Variants in SPAG16 observed in about 807,000 individuals in gnomAD.
SPAG16 encodes the protein sperm-associated antigen 16 protein.
SPAG16 carries 86 observed loss-of-function variants against 80.4 expected under a neutral mutation model. That is an observed-to-expected ratio of 1.07 (90% CI 0.90 to 1.28). SPAG16 has a LOEUF of 1.28. Among genes scored for constraint, SPAG16 ranks in the 50% most tolerant of loss-of-function variants. SPAG16 has a pLI of 0.00. For missense variants in SPAG16, 870 were observed against 765.3 expected (o/e 1.14, Z -1.61); for synonymous variants, 294 against 265.9 (o/e 1.11, Z -1.03).
At chr2:213,382,066 TTC>T (rs1482922188) in intron 9 of SPAG16, among the ~76,000 whole-genome samples, 1 of 152,080 alleles carries the variant, frequency 6.6e-6, no homozygotes, top group Non-Finnish European at 1.5e-5. Context: ...TTTTAATCCA[TTC>T]TCTGATAGCT....
chr2:214,221,164 G>A (rs963795210), intron 15 of SPAG16, among the ~76,000 whole-genome samples: 2 of 152,180 alleles, frequency 1.3e-5, no homozygotes, highest in Non-Finnish European at 1.5e-5. Flanking sequence ...ATATGCATAT[G>A]AAATTCTATT....
chr2:213,486,733 C>A (rs1045442912), intron 9 of SPAG16, among the ~76,000 whole-genome samples: 1 of 152,010 alleles, frequency 6.6e-6, no homozygotes, highest in Non-Finnish European at 1.5e-5. Flanking sequence ...AAAATCAAGT[C>A]TGCTTCAATC....
chr2:214,165,748 G>A (rs1434453152), intron 15 of SPAG16, among the ~76,000 whole-genome samples: 1 of 151,394 alleles, frequency 6.6e-6, no homozygotes, highest in Non-Finnish European at 1.5e-5. Flanking sequence ...TGAGAGTAGT[G>A]CTTATAACCC....
In SPAG16 at chr2:213,682,833, C is replaced by T. The variant is rs114177813; in HGVS notation, c.1071-179652C>T. Reference sequence around the variant, plus strand: ...GGCTAATGGTTTGGGGCTGGATTTACGCGGTTTTTAATCAAGGGGAACTTA... The same window carrying T: ...GGCTAATGGTTTGGGGCTGGATTTATGCGGTTTTTAATCAAGGGGAACTTA... On this transcript the variant is annotated intron_variant, in intron 10 of 15. Coordinates refer to ENST00000331683, the MANE Select transcript of SPAG16 (RefSeq NM_024532.5). Among the ~76,000 whole-genome samples the T allele has an allele frequency of 4.4e-3, 665 of 152,244 alleles. 2 individuals are homozygous for T. Among genetic ancestry groups the T allele is most frequent in the African/African-American group, 0.014 (584 of 41,524 alleles).
At chr2:214,085,238 G>A (rs933311338) in intron 13 of SPAG16, among the ~76,000 whole-genome samples, 1 of 152,020 alleles carries the variant, frequency 6.6e-6, no homozygotes, top group Admixed American at 6.6e-5. Context: ...CAGGCATGGT[G>A]GTGCCTTCCT....
intron 13 of SPAG16, among the ~76,000 whole-genome samples, chr2:214,043,948 G>C (rs571050719): frequency 3.9e-5 from 6 of 152,026 alleles, no homozygotes; most frequent in African/African-American, 1.2e-4. Flanking sequence ...GTAAATCAAA[G>C]TTCTATATCT....
chr2:214,040,660 A>G (rs749954264), intron 13 of SPAG16, among the ~76,000 whole-genome samples: 1 of 152,158 alleles, frequency 6.6e-6, no homozygotes, highest in African/African-American at 2.4e-5. Context: ...TCCATGGGGT[A>G]TATGGAGTAC....
rs963279415 is a variant in SPAG16 at position 214,373,651 on chromosome 2, T to A, written c.1721-36489T>A. Among the ~76,000 whole-genome samples, 12 of 152,096 alleles carry A rather than the reference T, an allele frequency of 7.9e-5. 1 individual carries two copies. The highest frequency in any genetic ancestry group is 1.8e-4 in the Non-Finnish European group (12 of 68,000). On this transcript the variant is annotated intron_variant, in intron 15 of 15. Coordinates refer to ENST00000331683, the MANE Select transcript of SPAG16 (RefSeq NM_024532.5). ...CTTCCTAATTTAAAAGCTCTTTCAA[T>A]GAGGGAGATGATTTTGCTGATGGGA...
chr2:214,026,294 T>C (rs1212908596), intron 13 of SPAG16, among the ~76,000 whole-genome samples: 1 of 151,470 alleles, frequency 6.6e-6, no homozygotes, highest in Non-Finnish European at 1.5e-5. Context: ...TTTTTATTAG[T>C]TTAGAACTAA....
intron 10 of SPAG16, among the ~76,000 whole-genome samples, chr2:213,573,099 C>T (rs113073692): frequency 0.025 from 3,804 of 152,242 alleles, 160 homozygotes; most frequent in African/African-American, 0.085. Context: ...CTTTGGCTCA[C>T]GCACGGTGCG....
intron 15 of SPAG16, among the ~76,000 whole-genome samples, chr2:214,352,163 C>T (rs184200492): frequency 6.6e-6 from 1 of 152,294 alleles, no homozygotes; most frequent in Admixed American, 6.5e-5. Flanking sequence ...GGTCCCACCT[C>T]TTAATACCAT....
At chr2:213,511,431 T>C (rs2075222406) in intron 10 of SPAG16, among the ~76,000 whole-genome samples, 1 of 152,168 alleles carries the variant, frequency 6.6e-6, no homozygotes, top group South Asian at 2.1e-4. Flanking sequence ...TGAACTATAA[T>C]TCTGCATTTT....
intron 10 of SPAG16, among the ~76,000 whole-genome samples, chr2:213,523,371 A>C (rs769043669): frequency 2.6e-5 from 4 of 152,128 alleles, no homozygotes; most frequent in Non-Finnish European, 5.9e-5. Context: ...TTCTTTTATA[A>C]ATTACCCGGA....
At chr2:213,629,942 ATCT>A (rs1166169926) in intron 10 of SPAG16, among the ~76,000 whole-genome samples, 4 of 152,154 alleles carry the variant, frequency 2.6e-5, no homozygotes, top group African/African-American at 7.2e-5. Context: ...CAGAAACTCC[ATCT>A]TCTTATATTT....
chr2:213,603,768 A>C (rs2061153733), intron 10 of SPAG16, among the ~76,000 whole-genome samples: 1 of 152,200 alleles, frequency 6.6e-6, no homozygotes, highest in African/African-American at 2.4e-5. Flanking sequence ...CTTTCCTACA[A>C]GCGCTGAATC....
At chr2:213,292,499 C>T (rs2062318964) in intron 1 of SPAG16, among the ~76,000 whole-genome samples, 1 of 150,952 alleles carries the variant, frequency 6.6e-6, no homozygotes, top group Non-Finnish European at 1.5e-5. Context: ...CCCGTCTCTA[C>T]TAAAAATACA....
At chr2:214,392,764 G>A (rs571905514) in intron 15 of SPAG16, among the ~76,000 whole-genome samples, 3 of 150,854 alleles carry the variant, frequency 2.0e-5, no homozygotes, top group African/African-American at 7.3e-5. Context: ...GGACCCAAAC[G>A]CCTAAGAGAA....
chr2:213,307,611 G>A lies in SPAG16; in HGVS notation c.280-2448G>A, dbSNP rs539022446. ...TTCTTAATCCAGTCTATCATTGTTG[G>A]ACATTTGGGTTGGTTCCAAGTCTTT... On this transcript the variant is annotated intron_variant, in intron 3 of 15. Coordinates refer to ENST00000331683, the MANE Select transcript of SPAG16 (RefSeq NM_024532.5). 4.4e-4 allele frequency among the ~76,000 whole-genome samples: 66 copies of A among 150,518 alleles called. 1 individual carries two copies. Among genetic ancestry groups the A allele is most frequent in the African/African-American group, 1.6e-3 (64 of 40,880 alleles).
At chr2:214,278,950 G>A (rs1692681205) in intron 15 of SPAG16, among the ~76,000 whole-genome samples, 1 of 152,150 alleles carries the variant, frequency 6.6e-6, no homozygotes, top group Admixed American at 6.5e-5. Flanking sequence ...CACTTTTCCT[G>A]TGTCATCTTT....
Sources: allele counts gnomAD v4.1 joint callset (sites outside exome capture counted in the v4.1 genomes callset), GRCh38; gene constraint gnomAD v4.1.1; transcripts MANE v1.5; gene names NCBI Gene and HGNC (gene_info 2026-07-23, HGNC 2026-07-21).